Variants in SLC26A11 observed in about 807,000 individuals in gnomAD.
SLC26A11 encodes the protein solute carrier family 26 member 11.
A neutral mutation model predicts 62.2 loss-of-function variants in SLC26A11; 58 were observed. The observed-to-expected ratio is 0.93, with a 90% CI of 0.76 to 1.16. The LOEUF is 1.16. SLC26A11 is among the 50% of genes most tolerant of loss of function. The pLI is 0.00. For synonymous variants in SLC26A11, 411 were observed against 368.9 expected (o/e 1.11, Z -1.31); for missense variants, 790 against 794.3 (o/e 0.99, Z 0.06).
Position 80,248,039 on chromosome 17 carries a change from T to TG in SLC26A11, c.1295-85dup, listed in dbSNP as rs1026371494. Reference sequence around the variant, plus strand: ...GTCCATGAGCACCTTTACTCATATGTGGGGGGCAGAAAGCTGTCCCGCTGG... The same window carrying TG: ...GTCCATGAGCACCTTTACTCATATGTGGGGGGGCAGAAAGCTGTCCCGCTGG... On this transcript the variant is annotated intron_variant, in intron 13 of 17. Coordinates refer to ENST00000361193, the MANE Select transcript of SLC26A11 (RefSeq NM_001166347.2). 95 of 1,428,464 alleles carry TG rather than the reference T, an allele frequency of 6.7e-5. No homozygotes were observed. In the African/African-American group the frequency reaches 1.1e-3, roughly 16 times the overall value. The allele number at this position is 1,428,464 out of a possible 1,614,324, so 88.5% of individuals were successfully genotyped here.
At position 80,246,468 on chromosome 17, in the gene SLC26A11, C is replaced by A. The variant is rs781062288; in HGVS notation, c.1154-41C>A. 1 of 1,603,070 alleles carries A rather than the reference C, an allele frequency of 6.2e-7. No homozygotes were observed. Among genetic ancestry groups the A allele is most frequent in the Non-Finnish European group, 8.5e-7 (1 of 1,179,572 alleles). ...GCTGCTACGCTGCGTGCTGGGGGGA[C>A]CCTGCACTCCCGAGGTCACCTGTGT... is the stretch of plus-strand genomic sequence containing the variant. On this transcript the variant is annotated intron_variant, in intron 12 of 17. Coordinates refer to ENST00000361193, the MANE Select transcript of SLC26A11 (RefSeq NM_001166347.2). This position sits in a 1 kb window ranked among gnomAD's most constrained non-coding sequence, Gnocchi z 4.4.
intron 1 of SLC26A11, 53 bp downstream of exon 1, chr17:80,220,549 G>C (rs1045813883): frequency 9.5e-6 from 4 of 420,982 alleles, no homozygotes; most frequent in Non-Finnish European, 8.3e-6. Context: ...CAGGGGGAGC[G>C]GACAGTGGCC....
intron 6 of SLC26A11, 70 bp downstream of exon 6, chr17:80,225,986 C>A (rs1448770246): frequency 5.2e-5 from 73 of 1,407,266 alleles, no homozygotes; most frequent in Non-Finnish European, 7.1e-5. Flanking sequence ...CCGGCCCCCA[C>A]CTCAGTTTCC....
Position 80,252,698 on chromosome 17 carries a change from T to C in SLC26A11, c.1803T>C (p.Val601=), listed in dbSNP as rs776593995. Residue 601 remains valine (V), a synonymous_variant, in exon 18 of 18, where the codon GTT becomes GTC. Coordinates refer to ENST00000361193, the MANE Select transcript of SLC26A11 (RefSeq NM_001166347.2). This position sits in a 1 kb window ranked among gnomAD's most constrained non-coding sequence, Gnocchi z 5.2. The stretch of plus-strand genomic sequence containing the variant: ...AAGACTCCATTCTGGACCAAAAGGT[T>C]GCCCTGCTCAAGGCATAATGGGGCC... The part of the protein sequence containing the change: ...IREDSILDQK[V]ALLKA 16 of 1,613,780 alleles carry C rather than the reference T, an allele frequency of 9.9e-6. No homozygotes were observed. The Admixed American group carries it at 2.2e-4, about 22-fold the overall frequency.
At chr17:80,248,790 C>T (rs1027734181) in intron 15 of SLC26A11, 116 bp downstream of exon 15, 11 of 1,055,772 alleles carry the variant, frequency 1.0e-5, no homozygotes, top group Admixed American at 2.2e-5. Context: ...CACAAGGATG[C>T]AGGCATCTCT....
At chr17:80,237,225 T>A in intron 8 of SLC26A11, 122 bp downstream of exon 8, 1 of 1,182,660 alleles carries the variant, frequency 8.5e-7, no homozygotes, top group Non-Finnish European at 1.2e-6. Context: ...AGCTGAGTCC[T>A]CAGGAACGGA....
At position 80,244,658 on chromosome 17, in the gene SLC26A11, A is replaced by G. The variant is rs1453370042; in HGVS notation, c.1037-538A>G. Among the ~76,000 whole-genome samples the G allele has an allele frequency of 4.6e-5, 7 of 152,252 alleles. 1 individual carries two copies. The highest frequency in any genetic ancestry group is 2.6e-4 in the Admixed American group (4 of 15,298). On this transcript the variant is annotated intron_variant, in intron 10 of 17. Coordinates refer to ENST00000361193, the MANE Select transcript of SLC26A11 (RefSeq NM_001166347.2). The stretch of plus-strand genomic sequence containing the variant: ...GGCATTTGAGACCAGCCTGGCCAGC[A>G]TGGCAAAACCCTGTCTCTACTAAAA...
chr17:80,239,189 C>A (rs112946019), intron 9 of SLC26A11, among the ~76,000 whole-genome samples: 21,510 of 151,162 alleles, frequency 0.14, 2,271 homozygotes, highest in African/African-American at 0.29. Flanking sequence ...CAGCAATTAT[C>A]CTGCCTCAGC....
Position 80,237,531 on chromosome 17 carries a change from G to C in SLC26A11, c.922G>C (p.Ala308Pro). The change falls in exon 9 of 18, where the codon GCC becomes CCC. Residue 308 changes from alanine to proline, a missense_variant. Coordinates refer to ENST00000361193, the MANE Select transcript of SLC26A11 (RefSeq NM_001166347.2). ...SFTEMVQDMGAGLAVVPLMGL... is the reference protein window; with the variant it reads ...SFTEMVQDMGPGLAVVPLMGL... ...CTCTCTCCTCTCTCAGGACATGGGA[G>C]CCGGGCTGGCCGTGGTGCCCCTGAT... 6.2e-7 allele frequency: 1 copy of C among 1,610,722 alleles called. No homozygotes were observed. Among genetic ancestry groups the C allele is most frequent in the Non-Finnish European group, 8.5e-7 (1 of 1,178,742 alleles).
intron 14 of SLC26A11, 97 bp from the exon 15 acceptor site, chr17:80,248,478 C>G: frequency 7.4e-7 from 1 of 1,359,018 alleles, no homozygotes; most frequent in South Asian, 1.4e-5. Context: ...TCCCCTGCAG[C>G]ACACTAGGTT....
chr17:80,235,087 T>A (rs535902041), intron 7 of SLC26A11, among the ~76,000 whole-genome samples: 2 of 152,190 alleles, frequency 1.3e-5, no homozygotes, highest in African/African-American at 4.8e-5. Context: ...TGACTTCAGG[T>A]GATTCAGCTG....
chr17:80,249,290 G>A lies in SLC26A11; in HGVS notation c.1656+3G>A, dbSNP rs1264582100. ...CCCTGGCCTTTGTGGGCCTGCAGGT[G>A]GGTGTGCACTGGGCTGCCTTAGGGG... On this transcript the variant is annotated splice_donor_region_variant and intron_variant, in intron 16 of 17. Transcript: ENST00000361193. 2 of 1,609,528 alleles carry A rather than the reference G, an allele frequency of 1.2e-6. No individual in the cohort carries two copies.
At position 80,249,054 on chromosome 17, in the gene SLC26A11, C is replaced by T. The variant is rs1029244873; in HGVS notation, c.1523-100C>T. On this transcript the variant is annotated intron_variant, in intron 15 of 17. Transcript: ENST00000361193. ...CCGCCACGAGATGGAGCACTCTGGC[C>T]TCTCTGTCCCCTGCCCCTGGCCAGA... 6 of 1,427,004 alleles carry T rather than the reference C, an allele frequency of 4.2e-6. No homozygotes were observed. The Admixed American group carries it at 7.4e-5, about 18-fold the overall frequency. 88.4% of individuals were successfully genotyped at this position (1,427,004 alleles called of 1,614,324 possible). A position where few individuals can be genotyped will look rare whatever the true frequency, so the allele number is the denominator to read the frequency against.
chr17:80,237,648 G>A, intron 9 of SLC26A11, 54 bp downstream of exon 9: 3 of 1,543,774 alleles, frequency 1.9e-6, no homozygotes, highest in Non-Finnish European at 2.7e-6. Flanking sequence ...GCTGGGCTAG[G>A]CCTGCCTGCT....
chr17:80,250,940 A>G lies in SLC26A11; in HGVS notation c.1657-389A>G, dbSNP rs537204287. Among the ~76,000 whole-genome samples the G allele has an allele frequency of 2.8e-4, 42 of 152,194 alleles. 1 individual carries two copies. The South Asian group carries it at 7.1e-3, about 26-fold the overall frequency. The stretch of plus-strand genomic sequence containing the variant: ...AGGATCATTTGAGGCCAGGAGTTTG[A>G]GACCAGCCTGGGCAACATGACGAAA... On this transcript the variant is annotated intron_variant, in intron 16 of 17. Coordinates refer to ENST00000361193, the MANE Select transcript of SLC26A11 (RefSeq NM_001166347.2).
At chr17:80,230,810 T>G (rs2042545497) in intron 7 of SLC26A11, among the ~76,000 whole-genome samples, 1 of 152,234 alleles carries the variant, frequency 6.6e-6, no homozygotes, top group Non-Finnish European at 1.5e-5. Flanking sequence ...AGGAAACTAC[T>G]TAAAAAGCTT....
At chr17:80,248,707 C>T in intron 15 of SLC26A11, 33 bp downstream of exon 15, 1 of 1,541,162 alleles carries the variant, frequency 6.5e-7, no homozygotes, top group African/African-American at 1.4e-5. Flanking sequence ...GGTCTGAGGT[C>T]ACTCCCCTGT....
chr17:80,224,637 GTTAT>G (rs1567945068), intron 5 of SLC26A11, among the ~76,000 whole-genome samples: 1 of 152,156 alleles, frequency 6.6e-6, no homozygotes, highest in Non-Finnish European at 1.5e-5. Flanking sequence ...TGATTTGTAC[GTTAT>G]CTACACGCAT....
intron 5 of SLC26A11, among the ~76,000 whole-genome samples, chr17:80,224,758 A>T (rs1347190674): frequency 6.6e-6 from 1 of 152,056 alleles, no homozygotes; most frequent in Non-Finnish European, 1.5e-5. Context: ...TCCCAGTGAG[A>T]GTGGAGAGCG....
Sources: allele counts gnomAD v4.1 joint callset (sites outside exome capture counted in the v4.1 genomes callset), GRCh38; gene constraint gnomAD v4.1.1; non-coding constraint Gnocchi (gnomAD v3.1); transcripts MANE v1.5; gene names NCBI Gene and HGNC (gene_info 2026-07-23, HGNC 2026-07-21).